TMEM128: variants seen among roughly 807,000 people sequenced by gnomAD.
The protein encoded by TMEM128 is transmembrane protein 128.
Under a neutral mutation model 19.7 loss-of-function variants are expected in TMEM128, and 16 were observed. The ratio of observed to expected loss-of-function variants is 0.81; its 90% CI spans 0.55 to 1.23. The LOEUF is 1.23. Ranked by LOEUF, TMEM128 falls within the 50% of genes most tolerant of loss-of-function variation. TMEM128 has a pLI of 0.00. For synonymous variants in TMEM128, 98 were observed against 75.8 expected (o/e 1.29, Z -1.52); for missense variants, 237 against 200.8 (o/e 1.18, Z -1.09).
chr4:4,242,691 G>C (rs967150791), intron 2 of TMEM128, among the ~76,000 whole-genome samples: 1 of 151,878 alleles, frequency 6.6e-6, no homozygotes, highest in South Asian at 2.1e-4. Context: ...GCTAATTTTT[G>C]TATTTTTAGT....
At chr4:4,242,199 T>G (rs975859055) in intron 2 of TMEM128, among the ~76,000 whole-genome samples, 1 of 152,082 alleles carries the variant, frequency 6.6e-6, no homozygotes, top group African/African-American at 2.4e-5. Flanking sequence ...TCAGCCACCA[T>G]GCCCAGCCAT....
chr4:4,236,567 A>C (rs1383996184), intron 4 of TMEM128, among the ~76,000 whole-genome samples: 1 of 152,178 alleles, frequency 6.6e-6, no homozygotes, highest in Non-Finnish European at 1.5e-5. Flanking sequence ...CTCCGGGCCC[A>C]AAGCCGCTTG....
intron 2 of TMEM128, among the ~76,000 whole-genome samples, chr4:4,244,726 T>C (rs4018327): frequency 0.31 from 46,748 of 151,816 alleles, 7,795 homozygotes; most frequent in East Asian, 0.44. Flanking sequence ...GGACTGCCCC[T>C]GTGGAATGAC....
chr4:4,242,304 G>A (rs557600518), intron 2 of TMEM128, among the ~76,000 whole-genome samples: 23 of 152,122 alleles, frequency 1.5e-4, no homozygotes, highest in African/African-American at 5.3e-4. Flanking sequence ...TCTCACTGGG[G>A]GGAGTATCGC....
At chr4:4,240,240 AG>A (rs1336215393) in intron 3 of TMEM128, 80 bp downstream of exon 3, 1 of 1,424,850 alleles carries the variant, frequency 7.0e-7, no homozygotes, top group African/African-American at 1.4e-5. Flanking sequence ...TTTCTTTCGA[AG>A]TTTGGACCAA....
rs545343978 is a variant in TMEM128 at position 4,248,092 on chromosome 4, G to A, written c.97+14C>T. 212 of 1,535,288 alleles carry A rather than the reference G, an allele frequency of 1.4e-4. No homozygotes were observed. The African/African-American group carries it at 2.5e-3, about 18-fold the overall frequency. ...GCCTCTGAGAACCTCGGGGCGGCTT[G>A]GTGCGCGCCTCACCCGGCCCGGCGT... On this transcript the variant is annotated intron_variant, in intron 1 of 4. Transcript: ENST00000382753.
intron 1 of TMEM128, chr4:4,247,463 T>C: frequency 8.4e-7 from 1 of 1,197,346 alleles, no homozygotes; most frequent in Non-Finnish European, 1.2e-6. Context: ...ACATATGAGA[T>C]AAAAAATATC....
intron 2 of TMEM128, among the ~76,000 whole-genome samples, chr4:4,243,767 C>A (rs1718056686): frequency 1.3e-5 from 2 of 152,136 alleles, no homozygotes; most frequent in East Asian, 3.8e-4. Context: ...TGCGTCCCGG[C>A]TTTGCCACAC....
chr4:4,247,840 T>C, intron 1 of TMEM128: 3 of 1,432,584 alleles, frequency 2.1e-6, no homozygotes, highest in South Asian at 1.5e-5. Flanking sequence ...TTCTGGTAAA[T>C]CCTTAAGACT....
chr4:4,240,590 C>A, intron 2 of TMEM128, 111 bp from the exon 3 acceptor site: 1 of 1,200,568 alleles, frequency 8.3e-7, no homozygotes. Context: ...TCAAGTGTTG[C>A]AGAGGGAGCC....
chr4:4,244,854 T>G (rs1350922487), intron 2 of TMEM128, among the ~76,000 whole-genome samples: 3 of 152,090 alleles, frequency 2.0e-5, no homozygotes, highest in Non-Finnish European at 4.4e-5. Flanking sequence ...TCACGCCACC[T>G]CCCACAAAGG....
At chr4:4,240,035 G>GT (rs572751218) in intron 3 of TMEM128, among the ~76,000 whole-genome samples, 32 of 152,026 alleles carry the variant, frequency 2.1e-4, no homozygotes, top group Non-Finnish European at 3.8e-4. Flanking sequence ...ATTCATCTCA[G>GT]TTTTTTTCAC....
intron 1 of TMEM128, chr4:4,247,741 C>A: frequency 6.4e-7 from 1 of 1,571,554 alleles, no homozygotes; most frequent in Admixed American, 1.8e-5. Context: ...TGCTGACGGG[C>A]AAGGCAGATA....
intron 3 of TMEM128, among the ~76,000 whole-genome samples, 156 bp downstream of exon 3, chr4:4,240,165 A>G (rs1430530364): frequency 1.3e-5 from 2 of 152,238 alleles, no homozygotes; most frequent in Non-Finnish European, 2.9e-5. Flanking sequence ...GGAGAAAGAG[A>G]TACTAATCAA....
chr4:4,246,816 C>T (rs1453915494), intron 1 of TMEM128, among the ~76,000 whole-genome samples: 1 of 151,716 alleles, frequency 6.6e-6, no homozygotes, highest in African/African-American at 2.4e-5. Flanking sequence ...GGTTTGATCT[C>T]GGCTCACTGC....
intron 1 of TMEM128, chr4:4,247,627 C>T: frequency 1.9e-6 from 3 of 1,614,218 alleles, no homozygotes; most frequent in Non-Finnish European, 2.5e-6. Context: ...TGGCGGCATA[C>T]CATAGTGTTC....
intron 2 of TMEM128, among the ~76,000 whole-genome samples, chr4:4,241,957 C>T (rs111779643): frequency 0.31 from 46,957 of 151,930 alleles, 7,854 homozygotes; most frequent in East Asian, 0.46. Context: ...GGCTGGAGTG[C>T]AGTGCTGCAA....
Position 4,247,175 on chromosome 4 carries a change from C to T in TMEM128, c.98-832G>A, listed in dbSNP as rs1051773177. The stretch of plus-strand genomic sequence containing the variant: ...GACAGGTGATGGACAAGACATTTTT[C>T]CTGTCTGGAACGCAATCTGAAAGAA... On this transcript the variant is annotated intron_variant, in intron 1 of 4. Transcript: ENST00000382753. Among the ~76,000 whole-genome samples, 40 of 152,148 alleles carry T rather than the reference C, an allele frequency of 2.6e-4. 1 individual carries two copies. The highest frequency in any genetic ancestry group is 7.9e-4 in the Admixed American group (12 of 15,278).
At chr4:4,241,347 T>A (rs191548978) in intron 2 of TMEM128, among the ~76,000 whole-genome samples, 50 of 152,282 alleles carry the variant, frequency 3.3e-4, no homozygotes, top group African/African-American at 1.2e-3. Context: ...TGCCAATGCC[T>A]TTTTACTCCC....
Sources: allele counts gnomAD v4.1 joint callset (sites outside exome capture counted in the v4.1 genomes callset), GRCh38; gene constraint gnomAD v4.1.1; transcripts MANE v1.5; gene names NCBI Gene and HGNC (gene_info 2026-07-23, HGNC 2026-07-21).